Variants in PIK3C2G observed in about 807,000 individuals in gnomAD.
PIK3C2G encodes the protein phosphatidylinositol 3-kinase C2 domain-containing subunit gamma.
PIK3C2G carries 168 observed loss-of-function variants against 181.1 expected under a neutral mutation model. The observed-to-expected ratio is 0.93, with a 90% CI of 0.82 to 1.05. The LOEUF (loss-of-function observed/expected upper bound fraction) is 1.05, where lower values mean the gene tolerates loss of function less well. Among genes scored for constraint, PIK3C2G ranks in the 50% least tolerant of loss-of-function variants. The pLI, the probability that PIK3C2G is intolerant of heterozygous loss-of-function variation, is 0.00. For missense variants in PIK3C2G, 1,869 were observed against 1,732.8 expected (o/e 1.08, Z -1.40); for synonymous variants, 573 against 592.2 (o/e 0.97, Z 0.47).
intron 14 of PIK3C2G, among the ~76,000 whole-genome samples, chr12:18,387,890 C>G (rs1270067936): frequency 1.3e-5 from 2 of 152,192 alleles, no homozygotes; most frequent in African/African-American, 2.4e-5. Context: ...CTTTGGTCCA[C>G]TTATCTGAAC....
chr12:18,538,222 A>G lies in PIK3C2G; in HGVS notation c.3390A>G (p.Pro1130=), dbSNP rs992420475. The change falls in exon 25 of 33, where the codon CCA becomes CCG. Residue 1130 remains proline, a synonymous_variant. Transcript: ENST00000538779. ...EYFITEGGKN[P]QHFQDFVELC... is the part of the protein sequence containing the mutation. ...TTATTACAGAGGGTGGGAAAAACCC[A>G]CAGCATTTTCAAGATTTTGTGGAAC... 2.5e-6 allele frequency: 4 copies of G among 1,612,360 alleles called. No homozygotes were observed. Among genetic ancestry groups the G allele is most frequent in the African/African-American group, 2.7e-5 (2 of 74,816 alleles).
chr12:18,622,047 A>G (rs1948887514), intron 31 of PIK3C2G, among the ~76,000 whole-genome samples: 1 of 151,922 alleles, frequency 6.6e-6, no homozygotes, highest in Non-Finnish European at 1.5e-5. Flanking sequence ...CACCTCAAAT[A>G]TTTAACTATT....
intron 8 of PIK3C2G, among the ~76,000 whole-genome samples, chr12:18,326,748 A>G (rs1019413754): frequency 2.6e-5 from 4 of 152,152 alleles, no homozygotes; most frequent in African/African-American, 9.7e-5. Flanking sequence ...ATTCTTTCTC[A>G]TGTAGAATGT....
At chr12:18,456,480 T>C (rs1419851762) in intron 18 of PIK3C2G, among the ~76,000 whole-genome samples, 1 of 152,154 alleles carries the variant, frequency 6.6e-6, no homozygotes, top group Admixed American at 6.5e-5. Flanking sequence ...GAGGAGGCCA[T>C]GTCTAATTTA....
chr12:18,606,753 C>A (rs1357236876), intron 30 of PIK3C2G, among the ~76,000 whole-genome samples: 1 of 151,918 alleles, frequency 6.6e-6, no homozygotes, highest in African/African-American at 2.4e-5. Context: ...TGACCATTGA[C>A]AAATTCTTTG....
At chr12:18,370,526 C>G (rs1057283533) in intron 12 of PIK3C2G, among the ~76,000 whole-genome samples, 1 of 152,192 alleles carries the variant, frequency 6.6e-6, no homozygotes, top group Non-Finnish European at 1.5e-5. Context: ...AAACTCTCTA[C>G]ACTTTGGCTG....
intron 2 of PIK3C2G, among the ~76,000 whole-genome samples, chr12:18,286,398 G>A (rs1949445420): frequency 6.6e-6 from 1 of 151,952 alleles, no homozygotes; most frequent in East Asian, 1.9e-4. Context: ...TTACACAATG[G>A]AATACTACTA....
intron 26 of PIK3C2G, among the ~76,000 whole-genome samples, chr12:18,555,136 T>C (rs1565502399): frequency 6.6e-6 from 1 of 152,122 alleles, no homozygotes; most frequent in East Asian, 1.9e-4. Flanking sequence ...AGACTGACCA[T>C]TGAAACAGTT....
chr12:18,315,447 A>C (rs1197920127), intron 6 of PIK3C2G, among the ~76,000 whole-genome samples: 1 of 152,206 alleles, frequency 6.6e-6, no homozygotes, highest in African/African-American at 2.4e-5. Context: ...TGGGGGAAGA[A>C]GATAAAATGT....
At chr12:18,592,403 A>C (rs1333819592) in intron 29 of PIK3C2G, among the ~76,000 whole-genome samples, 1 of 151,914 alleles carries the variant, frequency 6.6e-6, no homozygotes, top group Non-Finnish European at 1.5e-5. Flanking sequence ...GACAGAATTC[A>C]CTAAAAATGG....
intron 18 of PIK3C2G, among the ~76,000 whole-genome samples, chr12:18,463,399 G>T (rs1302825481): frequency 1.3e-5 from 2 of 152,110 alleles, no homozygotes; most frequent in African/African-American, 4.8e-5. Flanking sequence ...TAAATTGTTA[G>T]ACTCCTCTCT....
At chr12:18,371,759 A>T (rs1374324469) in intron 13 of PIK3C2G, among the ~76,000 whole-genome samples, 1 of 152,170 alleles carries the variant, frequency 6.6e-6, no homozygotes, top group Non-Finnish European at 1.5e-5. Context: ...ATTTTCCAGA[A>T]AACTAGGTCA....
the PIK3C2G span, among the ~76,000 whole-genome samples, chr12:18,662,257 CTGCAACA>C: frequency 2.0e-5 from 3 of 151,966 alleles, no homozygotes; most frequent in Non-Finnish European, 2.9e-5. Context: ...CATCAAACCC[CTGCAACA>C]TGCAACTTAC....
At chr12:18,452,840 A>T (rs1947437473) in intron 18 of PIK3C2G, among the ~76,000 whole-genome samples, 1 of 152,138 alleles carries the variant, frequency 6.6e-6, no homozygotes, top group African/African-American at 2.4e-5. Flanking sequence ...GTCATTCAGG[A>T]GCAGGTTGTT....
chr12:18,342,132 T>C (rs11044033), intron 9 of PIK3C2G, among the ~76,000 whole-genome samples: 8,990 of 152,148 alleles, frequency 0.059, 913 homozygotes, highest in African/African-American at 0.21. Flanking sequence ...TAATACAAGT[T>C]TATATTTCTA....
At chr12:18,478,651 A>T (rs1293201764) in intron 18 of PIK3C2G, among the ~76,000 whole-genome samples, 1 of 152,186 alleles carries the variant, frequency 6.6e-6, no homozygotes, top group African/African-American at 2.4e-5. Context: ...TAAGGGAGAG[A>T]AAAATATCCC....
chr12:18,431,937 C>G (rs1033962441), intron 18 of PIK3C2G, among the ~76,000 whole-genome samples: 5 of 152,162 alleles, frequency 3.3e-5, no homozygotes, highest in African/African-American at 7.2e-5. Context: ...CTATCCCAAC[C>G]AACCTGAAGG....
chr12:18,650,664 A>ATATGTG (rs1491090562), downstream of PIK3C2G, among the ~76,000 whole-genome samples: 15 of 35,606 alleles, frequency 4.2e-4, no homozygotes, highest in Middle Eastern at 0.021. Context: ...TGGAATATAA[A>ATATGTG]TGTGTGTGTG....
intron 1 of PIK3C2G, among the ~76,000 whole-genome samples, chr12:18,255,369 G>A (rs1399871199): frequency 1.3e-5 from 2 of 152,104 alleles, no homozygotes; most frequent in African/African-American, 2.4e-5. Context: ...TATGGCTACT[G>A]TAGGAGTTAA....
Sources: gnomAD v4.1 joint callset for allele counts (sites outside exome capture counted in the v4.1 genomes callset) on GRCh38, gnomAD v4.1.1 for gene constraint, MANE v1.5 for transcripts, NCBI Gene and HGNC (gene_info 2026-07-23, HGNC 2026-07-21) for gene names.